Variants in RAD51D observed in about 807,000 individuals in gnomAD.
The protein encoded by RAD51D is DNA repair protein RAD51 homolog 4.
RAD51D carries 38 observed loss-of-function variants against 44.1 expected under a neutral mutation model. The observed-to-expected ratio is 0.86, with a 90% CI of 0.67 to 1.13. The LOEUF (loss-of-function observed/expected upper bound fraction) is 1.13. Among genes scored for constraint, RAD51D ranks in the 50% most tolerant of loss-of-function variants. RAD51D has a pLI of 0.00. For synonymous variants in RAD51D, 141 were observed against 166.6 expected (o/e 0.85, Z 1.18); for missense variants, 390 against 414.0 (o/e 0.94, Z 0.50).
At chr17:35,114,501 C>T (rs938910077) in intron 3 of RAD51D, among the ~76,000 whole-genome samples, 1 of 150,406 alleles carries the variant, frequency 6.6e-6, no homozygotes, top group African/African-American at 2.5e-5. Context: ...GGCAACACAG[C>T]AAGACCCCTG....
Position 35,119,761 on chromosome 17 carries a change from G to C in RAD51D, c.-148C>G. 2.5e-6 allele frequency: 2 copies of C among 805,136 alleles called. No individual in the cohort carries two copies. Among genetic ancestry groups the C allele is most frequent in the Non-Finnish European group, 4.2e-6 (2 of 479,776 alleles). The allele number at this position is 805,136 out of a possible 1,614,324, so 49.9% of individuals were successfully genotyped here. ...GAGGAGAAAGGAGAGAGGAGGAGGC[G>C]GCACCAAGGGTAGGGCTGGGGGTCA... On this transcript the variant is annotated 5_prime_UTR_variant, in exon 1 of 10. Transcript: ENST00000345365.
intron 3 of RAD51D, among the ~76,000 whole-genome samples, chr17:35,108,317 T>C (rs1453212520): frequency 4.6e-5 from 7 of 151,564 alleles, no homozygotes; most frequent in African/African-American, 1.2e-4. Flanking sequence ...TCCCAGGAAG[T>C]TGCAAAAAGT....
chr17:35,107,278 T>C, intron 4 of RAD51D, 88 bp downstream of exon 4: 1 of 1,451,350 alleles, frequency 6.9e-7, no homozygotes, highest in Non-Finnish European at 9.7e-7. Flanking sequence ...CTGAACCCAT[T>C]AGTACGCTGA....
rs2091464652 is a variant in RAD51D at position 35,092,792 on chromosome 17, G to C, written c.*8161C>G. ...AACAGTTAGAGATAAACATACACAG[G>C]GTGCTAACCCTAATTTTTCTATGGG... is the stretch of plus-strand genomic sequence containing the variant. On this transcript the variant is annotated 3_prime_UTR_variant, in exon 10 of 10. Coordinates refer to ENST00000345365, the MANE Select transcript of RAD51D (RefSeq NM_002878.4). The C allele has an allele frequency of 6.6e-6, 1 of 151,850 alleles. No individual in the cohort carries two copies. Among genetic ancestry groups the C allele is most frequent in the African/African-American group, 2.4e-5 (1 of 41,296 alleles). The allele number at this position is 151,850 out of a possible 1,614,324, so 9.4% of individuals were successfully genotyped here.
At chr17:35,115,210 T>C (rs1260506803) in intron 3 of RAD51D, 1 of 503,718 alleles carries the variant, frequency 2.0e-6, no homozygotes. Context: ...GGACTTATCC[T>C]CTGCCTTTCC....
intron 9 of RAD51D, 28 bp downstream of exon 9, chr17:35,101,173 T>G (rs1159132946): frequency 2.5e-6 from 4 of 1,613,938 alleles, no homozygotes. Flanking sequence ...GGCCCAAGAT[T>G]ACTGGCATCT....
In RAD51D at chr17:35,107,464, A is replaced by G. The variant is rs765019908; in HGVS notation, c.264-17T>C. The G allele has an allele frequency of 1.3e-6, 2 of 1,519,770 alleles. No homozygotes were observed. Among genetic ancestry groups the G allele is most frequent in the Non-Finnish European group, 1.8e-6 (2 of 1,094,258 alleles). The allele number at this position is 1,519,770 out of a possible 1,614,324, so 94.1% of individuals were successfully genotyped here. A position where few individuals can be genotyped will look rare whatever the true frequency, so the allele number is the denominator to read the frequency against. On this transcript the variant is annotated splice_polypyrimidine_tract_variant and intron_variant, in intron 3 of 9. Coordinates refer to ENST00000345365, the MANE Select transcript of RAD51D (RefSeq NM_002878.4). ...TTATCAAGACTGATGGCAGAAGAGAAGAAAATCAACACAAGAGGTTAGGAG... is the reference window on the plus strand; with the variant it reads ...TTATCAAGACTGATGGCAGAAGAGAGGAAAATCAACACAAGAGGTTAGGAG...
intron 3 of RAD51D, among the ~76,000 whole-genome samples, chr17:35,114,512 T>C (rs1471074520): frequency 2.7e-5 from 4 of 149,924 alleles, no homozygotes; most frequent in Admixed American, 1.3e-4. Context: ...AAGACCCCTG[T>C]CTCTACAAAA....
At chr17:35,106,734 A>C (rs1341419185) in intron 5 of RAD51D, among the ~76,000 whole-genome samples, 1 of 152,178 alleles carries the variant, frequency 6.6e-6, no homozygotes, top group Admixed American at 6.5e-5. Context: ...CTGGAAACAC[A>C]AAGCTTGGTG....
rs577493386 is a variant in RAD51D at position 35,119,044 on chromosome 17, C to T, written c.144+67G>A. 2.1e-5 allele frequency: 32 copies of T among 1,501,364 alleles called. No homozygotes were observed. In the African/African-American group the frequency reaches 3.3e-4, roughly 16 times the overall value. 93.0% of individuals were successfully genotyped at this position (1,501,364 alleles called of 1,614,324 possible). ...GGATTACAGGCATGAGCCACCGCGC[C>T]CAGCTGGCTTGGGATGGACTTTTTA... On this transcript the variant is annotated intron_variant, in intron 2 of 9. Coordinates refer to ENST00000345365, the MANE Select transcript of RAD51D (RefSeq NM_002878.4).
chr17:35,100,918 C>T lies in RAD51D; in HGVS notation c.*35G>A, dbSNP rs2142408257. ...TGGGAAGAAAAGTTGGGAGGGGTCC[C>T]CAATGCTTCCCTGTTTCCCAAACAA... On this transcript the variant is annotated 3_prime_UTR_variant, in exon 10 of 10. Transcript: ENST00000345365. 6.3e-7 allele frequency: 1 copy of T among 1,579,944 alleles called. No individual in the cohort carries two copies. The highest frequency in any genetic ancestry group is 2.2e-5 in the East Asian group (1 of 44,696).
At chr17:35,117,259 TCA>T (rs1343027512) in intron 3 of RAD51D, among the ~76,000 whole-genome samples, 1 of 152,132 alleles carries the variant, frequency 6.6e-6, no homozygotes, top group Non-Finnish European at 1.5e-5. Context: ...GCTTGATGGA[TCA>T]CAGACTCAGA....
In RAD51D at chr17:35,099,013, T is replaced by A. The variant is rs537964141; in HGVS notation, c.*1940A>T. ...TGCACATCACAATGCCTAGCTAATT[T>A]AAAAAATTTTTTTGTAGAAACGATG... On this transcript the variant is annotated 3_prime_UTR_variant, in exon 10 of 10. Transcript: ENST00000345365. The A allele has an allele frequency of 2.4e-4, 36 of 152,088 alleles. No homozygotes were observed. The highest frequency in any genetic ancestry group is 7.5e-4 in the African/African-American group (31 of 41,470). The allele number at this position is 152,088 out of a possible 1,614,324, so 9.4% of individuals were successfully genotyped here.
chr17:35,118,475 C>T (rs765555990), intron 3 of RAD51D, 26 bp downstream of exon 3: 6 of 1,596,982 alleles, frequency 3.8e-6, no homozygotes, highest in Non-Finnish European at 2.6e-6. Flanking sequence ...TGCCTCTCTC[C>T]TTCTTCCCCA....
Position 35,092,400 on chromosome 17 carries a change from C to T in RAD51D, c.*8553G>A, listed in dbSNP as rs1597851130. 6.6e-6 allele frequency: 1 copy of T among 152,264 alleles called. No individual in the cohort carries two copies. Among genetic ancestry groups the T allele is most frequent in the East Asian group, 1.9e-4 (1 of 5,186 alleles). 9.4% of individuals were successfully genotyped at this position (152,264 alleles called of 1,614,324 possible). A position where few individuals can be genotyped will look rare whatever the true frequency, so the allele number is the denominator to read the frequency against. On this transcript the variant is annotated 3_prime_UTR_variant, in exon 10 of 10. Coordinates refer to ENST00000345365, the MANE Select transcript of RAD51D (RefSeq NM_002878.4). ...TGATTTTAGTTATTTCTGGCAAGAG[C>T]TGGAAGAATTAATAGTGACCGACCA... is the stretch of plus-strand genomic sequence containing the variant.
rs899730536 is a variant in RAD51D, at chr17:35,099,539, G to C, written c.*1414C>G. 4 of 274,344 alleles carry C rather than the reference G, an allele frequency of 1.5e-5. No individual in the cohort carries two copies. The highest frequency in any genetic ancestry group is 8.7e-5 in the African/African-American group (4 of 45,762). The allele number at this position is 274,344 out of a possible 1,614,324, so 17.0% of individuals were successfully genotyped here. On this transcript the variant is annotated 3_prime_UTR_variant, in exon 10 of 10. Transcript: ENST00000345365. ...AGGTCTTCTGTGAAAGCAAGCGCTA[G>C]GATTCCCCCAGGCTTAGGCTTACCA...
chr17:35,119,855 G>A lies in RAD51D; in HGVS notation c.-242C>T, dbSNP rs758400969. 2 of 653,956 alleles carry A rather than the reference G, an allele frequency of 3.1e-6. No individual in the cohort carries two copies. The highest frequency in any genetic ancestry group is 5.9e-5 in the East Asian group (2 of 33,860). 40.5% of individuals were successfully genotyped at this position (653,956 alleles called of 1,614,324 possible). ...GCCCGCCGGGTCGCGCCGCGCTGCC[G>A]CTTCCGGGTTCCAGGCTGGCGCGCG... On this transcript the variant is annotated 5_prime_UTR_variant, in exon 1 of 10. Coordinates refer to ENST00000345365, the MANE Select transcript of RAD51D (RefSeq NM_002878.4).
intron 3 of RAD51D, among the ~76,000 whole-genome samples, chr17:35,109,478 A>G (rs912156437): frequency 2.0e-5 from 3 of 152,232 alleles, no homozygotes; most frequent in Non-Finnish European, 2.9e-5. Flanking sequence ...AGAAACTACC[A>G]AACTATTTTC....
rs1555570500 is a variant in RAD51D at position 35,119,586 on chromosome 17, G to A, written c.28C>T (p.Pro10Ser). 5 of 1,612,424 alleles carry A rather than the reference G, an allele frequency of 3.1e-6. No homozygotes were observed. Among genetic ancestry groups the A allele is most frequent in the Non-Finnish European group, 4.2e-6 (5 of 1,179,946 alleles). ...TGGATCATCTCCTCGGTAAGGCCAG[G>A]GCACAGTCCGACCCTGAGCACGCCC... MGVLRVGLC[P>S]GLTEEMIQLL... Residue 10 changes from proline to serine, a missense_variant, in exon 1 of 10, where the codon CCT (proline) becomes TCT (serine). Pro to Ser is a moderately conservative substitution (Grantham distance 74). Transcript: ENST00000345365.
Sources: gnomAD v4.1 joint callset for allele counts (sites outside exome capture counted in the v4.1 genomes callset) on GRCh38, gnomAD v4.1.1 for gene constraint, MANE v1.5 for transcripts, NCBI Gene and HGNC (gene_info 2026-07-23, HGNC 2026-07-21) for gene names.